The following PRMT8 variants were observed in gnomAD, a reference collection of about 807,000 sequenced individuals.
The protein encoded by PRMT8 is protein arginine N-methyltransferase 8.
A neutral mutation model predicts 47.1 loss-of-function variants in PRMT8; 7 were observed. The observed-to-expected ratio is 0.15, with a 90% CI of 0.08 to 0.28. The LOEUF (loss-of-function observed/expected upper bound fraction) is 0.28, where lower values mean the gene tolerates loss of function less well. Ranked by LOEUF, PRMT8 falls within the 10% of genes least tolerant of loss-of-function variation. The pLI is 1.00. For synonymous variants in PRMT8, 188 were observed against 186.5 expected (o/e 1.01, Z -0.07); for missense variants, 237 against 505.4 (o/e 0.47, Z 5.09).
intron 1 of PRMT8, among the ~76,000 whole-genome samples, chr12:3,520,526 T>A (rs1307230308): frequency 6.6e-6 from 1 of 152,218 alleles, no homozygotes; most frequent in Non-Finnish European, 1.5e-5. Flanking sequence ...GGCATCAAAC[T>A]GTAACTGTTT....
In PRMT8 at chr12:3,493,491, G is replaced by A. The variant is rs1293716212; in HGVS notation, c.75+1791G>A. ...TGCATTTCCACCTCACCCCACCCCCGGCTCATTTTTCTAAGAAAAAGTTTT... is the reference window on the plus strand; with the variant it reads ...TGCATTTCCACCTCACCCCACCCCCAGCTCATTTTTCTAAGAAAAAGTTTT... On this transcript the variant is annotated intron_variant, in intron 1 of 9. Coordinates refer to ENST00000382622, the MANE Select transcript of PRMT8 (RefSeq NM_019854.5). The surrounding 1 kb of genome is among the most constrained non-coding windows in gnomAD (Gnocchi z 8.2). Among the ~76,000 whole-genome samples the A allele has an allele frequency of 6.6e-6, 1 of 152,162 alleles. No individual in the cohort carries two copies. Among genetic ancestry groups the A allele is most frequent in the Non-Finnish European group, 1.5e-5 (1 of 68,034 alleles).
intron 1 of PRMT8, among the ~76,000 whole-genome samples, chr12:3,527,285 A>G (rs1591585518): frequency 6.6e-6 from 1 of 151,800 alleles, no homozygotes; most frequent in East Asian, 1.9e-4. Flanking sequence ...TATATGTACT[A>G]TTTTTTTTAA....
intron 1 of PRMT8, among the ~76,000 whole-genome samples, chr12:3,519,569 T>G (rs954870311): frequency 3.9e-5 from 6 of 152,092 alleles, no homozygotes; most frequent in African/African-American, 1.4e-4. Context: ...GATGGCTGTT[T>G]GTGAGGTGGG....
chr12:3,556,278 G>A (rs1022804975), intron 4 of PRMT8, among the ~76,000 whole-genome samples: 1 of 152,090 alleles, frequency 6.6e-6, no homozygotes, highest in Non-Finnish European at 1.5e-5. Flanking sequence ...GTAGCTAGAA[G>A]AAAGAAATGG....
chr12:3,538,249 T>C lies in PRMT8; in HGVS notation c.76-2357T>C, dbSNP rs994211866. ...CTGTGAACCTCCAGAACAATTTGCTTGAACTTCTCTTGTAGAACAAACCTT... is the reference window on the plus strand; with the variant it reads ...CTGTGAACCTCCAGAACAATTTGCTCGAACTTCTCTTGTAGAACAAACCTT... On this transcript the variant is annotated intron_variant, in intron 1 of 9. Coordinates refer to ENST00000382622, the MANE Select transcript of PRMT8 (RefSeq NM_019854.5). This position sits in a 1 kb window ranked among gnomAD's most constrained non-coding sequence, Gnocchi z 4.6. The C allele has an allele frequency of 1.9e-5, 3 of 157,416 alleles. No individual in the cohort carries two copies. Among genetic ancestry groups the C allele is most frequent in the African/African-American group, 7.2e-5 (3 of 41,634 alleles). 9.8% of individuals were successfully genotyped at this position (157,416 alleles called of 1,614,324 possible).
At chr12:3,482,460 T>A (rs1462273146) in intron 1 of PRMT8, among the ~76,000 whole-genome samples, 1 of 152,180 alleles carries the variant, frequency 6.6e-6, no homozygotes, top group Non-Finnish European at 1.5e-5. Context: ...CTGGGCAGTA[T>A]GTAAGCCCAG....
At chr12:3,404,826 T>C (rs1029374105) in intron 1 of PRMT8, among the ~76,000 whole-genome samples, 1 of 152,346 alleles carries the variant, frequency 6.6e-6, no homozygotes, top group East Asian at 1.9e-4. Context: ...ACTATGTAGT[T>C]GCATGCATAT....
At chr12:3,491,799 A>G in intron 1 of PRMT8, 99 bp downstream of exon 1, 1 of 1,323,482 alleles carries the variant, frequency 7.6e-7, no homozygotes, top group Admixed American at 2.4e-5. Flanking sequence ...AACTTTCCCC[A>G]GTTTCATCCC....
chr12:3,561,678 A>T (rs1342438471), intron 4 of PRMT8, among the ~76,000 whole-genome samples: 2 of 152,174 alleles, frequency 1.3e-5, no homozygotes, highest in East Asian at 3.8e-4. Flanking sequence ...CTCCCTTAGG[A>T]TGCCATGGCG....
chr12:3,413,225 C>T (rs558203495), intron 1 of PRMT8, among the ~76,000 whole-genome samples: 9 of 152,148 alleles, frequency 5.9e-5, no homozygotes, highest in East Asian at 1.9e-4. Flanking sequence ...GTAGTGAATA[C>T]GTCTCACAAG....
At chr12:3,428,890 G>A (rs1050189553) in intron 1 of PRMT8, among the ~76,000 whole-genome samples, 1 of 137,824 alleles carries the variant, frequency 7.3e-6, no homozygotes, top group African/African-American at 2.8e-5. Context: ...TACTCTCTCC[G>A]CCTGTCTCTC....
At chr12:3,526,641 A>G (rs1296510905) in intron 1 of PRMT8, among the ~76,000 whole-genome samples, 1 of 152,122 alleles carries the variant, frequency 6.6e-6, no homozygotes, top group Non-Finnish European at 1.5e-5. Context: ...TTTGTTTCAT[A>G]TATTTTGTGG....
chr12:3,583,674 A>G lies in PRMT8; in HGVS notation c.979+466A>G, dbSNP rs1457491979. 2.0e-5 allele frequency among the ~76,000 whole-genome samples: 3 copies of G among 152,060 alleles called. No individual in the cohort carries two copies. Among genetic ancestry groups the G allele is most frequent in the African/African-American group, 4.8e-5 (2 of 41,398 alleles). On this transcript the variant is annotated intron_variant, in intron 8 of 9. Transcript: ENST00000382622. This position sits in a 1 kb window ranked among gnomAD's most constrained non-coding sequence, Gnocchi z 4.7. The stretch of plus-strand genomic sequence containing the variant: ...TTACTTTCACACCAACCCATCCTTC[A>G]TTAAATCTCTGTTGGTGTTCCCCCA...
chr12:3,410,815 T>C (rs1864421461), intron 1 of PRMT8, among the ~76,000 whole-genome samples: 1 of 152,226 alleles, frequency 6.6e-6, no homozygotes, highest in Non-Finnish European at 1.5e-5. Context: ...CTGCATTTTA[T>C]TTGCTTTTCT....
At chr12:3,414,155 A>G (rs146740150) in intron 1 of PRMT8, among the ~76,000 whole-genome samples, 329 of 152,354 alleles carry the variant, frequency 2.2e-3, no homozygotes, top group Non-Finnish European at 3.5e-3. Flanking sequence ...TAAAAATGCT[A>G]ATTTTGTAAA....
chr12:3,560,932 C>T (rs1266215656), intron 4 of PRMT8, among the ~76,000 whole-genome samples: 2 of 152,172 alleles, frequency 1.3e-5, no homozygotes, highest in Non-Finnish European at 2.9e-5. Flanking sequence ...GATATAGGGC[C>T]TCACATACAG....
At chr12:3,462,111 T>C (rs935850147) in intron 1 of PRMT8, among the ~76,000 whole-genome samples, 3 of 152,046 alleles carry the variant, frequency 2.0e-5, no homozygotes, top group African/African-American at 4.8e-5. Context: ...TTCTCATCAT[T>C]TAGTGCCCAC....
intron 1 of PRMT8, among the ~76,000 whole-genome samples, chr12:3,390,628 T>TAATTAC (rs1245505733): frequency 6.6e-6 from 1 of 152,080 alleles, no homozygotes; most frequent in Non-Finnish European, 1.5e-5. Flanking sequence ...TTACCCAAGG[T>TAATTAC]CACACAGCTA....
At chr12:3,387,343 C>T in intron 1 of PRMT8, among the ~76,000 whole-genome samples, 1 of 152,210 alleles carries the variant, frequency 6.6e-6, no homozygotes, top group Non-Finnish European at 1.5e-5. Context: ...ATTACAGCAA[C>T]ATGGATTGAG....
Sources: gnomAD v4.1 joint callset for allele counts (sites outside exome capture counted in the v4.1 genomes callset) on GRCh38, gnomAD v4.1.1 for gene constraint, Gnocchi (gnomAD v3.1) non-coding constraint, MANE v1.5 for transcripts, NCBI Gene and HGNC (gene_info 2026-07-23, HGNC 2026-07-21) for gene names.